Variants in VPS53 observed in about 807,000 individuals in gnomAD.
VPS53 encodes vacuolar protein sorting-associated protein 53 homolog.
In VPS53, 70 loss-of-function variants were observed where a neutral mutation model predicts 107.0. The observed-to-expected ratio is 0.65, with a 90% CI of 0.54 to 0.80. The LOEUF (loss-of-function observed/expected upper bound fraction) is 0.80, where lower values mean the gene tolerates loss of function less well. VPS53 is among the 30% of genes least tolerant of loss of function. The pLI, the probability that VPS53 is intolerant of heterozygous loss-of-function variation, is 0.00. For synonymous variants in VPS53, 409 were observed against 393.3 expected, an observed-to-expected ratio of 1.04 and a Z score of -0.47; for missense variants, 917 against 1,049.4, an observed-to-expected ratio of 0.87 and a Z score of 1.74.
chr17:656,320 G>A (rs142266640), intron 5 of VPS53, among the ~76,000 whole-genome samples: 115 of 152,266 alleles, frequency 7.6e-4, no homozygotes, highest in African/African-American at 2.6e-3. Context: ...TGATGAAGCC[G>A]CTGGGCCATA....
intron 12 of VPS53, among the ~76,000 whole-genome samples, chr17:594,241 G>A (rs1176597310): frequency 3.3e-5 from 5 of 152,262 alleles, no homozygotes; most frequent in South Asian, 2.1e-4. Flanking sequence ...TGGGTGCAGC[G>A]CACCAGCATG....
chr17:563,797 T>C (rs1213156345), intron 13 of VPS53, among the ~76,000 whole-genome samples: 1 of 152,218 alleles, frequency 6.6e-6, no homozygotes, highest in East Asian at 1.9e-4. Flanking sequence ...AAGGTTATGA[T>C]GTCAGCACAT....
In VPS53 at chr17:545,923, T is replaced by C. The variant is rs1053983246; in HGVS notation, c.1866+5949A>G. Among the ~76,000 whole-genome samples, 4 of 152,204 alleles carry C rather than the reference T, an allele frequency of 2.6e-5. No individual in the cohort carries two copies. In the East Asian group the frequency reaches 7.7e-4, roughly 29 times the overall value. ...AAAACAGTGTTGAAAAAGAACAAAG[T>C]TGGAAGACTCATACTTCTTGATTTC... On this transcript the variant is annotated intron_variant, in intron 17 of 21. Transcript: ENST00000437048.
intron 9 of VPS53, among the ~76,000 whole-genome samples, chr17:627,756 C>T (rs1389727114): frequency 7.4e-6 from 1 of 135,156 alleles, no homozygotes; most frequent in Non-Finnish European, 1.6e-5. Flanking sequence ...GCCTGGGCAA[C>T]AAGAGCGAAA....
At chr17:620,273 C>G (rs1186612454) in intron 11 of VPS53, among the ~76,000 whole-genome samples, 2 of 152,210 alleles carry the variant, frequency 1.3e-5, no homozygotes, top group Non-Finnish European at 2.9e-5. Context: ...GAAAGGCCAG[C>G]CCGATTCACC....
Position 509,347 on chromosome 17 carries a change from C to A in VPS53, c.*9781G>T. The A allele has an allele frequency of 6.2e-6, 1 of 160,554 alleles. No individual in the cohort carries two copies. The highest frequency in any genetic ancestry group is 1.4e-5 in the Non-Finnish European group (1 of 73,698). 9.9% of individuals were successfully genotyped at this position (160,554 alleles called of 1,614,324 possible). A position where few individuals can be genotyped will look rare whatever the true frequency, so the allele number is the denominator to read the frequency against. On this transcript the variant is annotated 3_prime_UTR_variant, in exon 22 of 22. Transcript: ENST00000437048. ...GAATCCTGGCTCACCCCTCACTAGTCACATATTGAATCCTGGCTCACCCCT... is the reference window on the plus strand; with the variant it reads ...GAATCCTGGCTCACCCCTCACTAGTAACATATTGAATCCTGGCTCACCCCT...
Position 550,022 on chromosome 17 carries a change from A to G in VPS53, c.1866+1850T>C, listed in dbSNP as rs1173871320. On this transcript the variant is annotated intron_variant, in intron 17 of 21. Coordinates refer to ENST00000437048, the MANE Select transcript of VPS53 (RefSeq NM_001128159.3). ...AAATGTCTGCTTACACAACCTTGTG[A>G]CATGGTCATTCCTCCTGACAAGAGG... is the stretch of plus-strand genomic sequence containing the variant. Among the ~76,000 whole-genome samples, 3 of 152,240 alleles carry G rather than the reference A, an allele frequency of 2.0e-5. No individual in the cohort carries two copies. The East Asian group carries it at 5.8e-4, about 29-fold the overall frequency.
intron 5 of VPS53, among the ~76,000 whole-genome samples, chr17:659,563 G>A (rs752319597): frequency 2.6e-4 from 39 of 152,212 alleles, no homozygotes; most frequent in Non-Finnish European, 4.6e-4. Flanking sequence ...TTACAGGCAT[G>A]AGCCACCGTG....
chr17:713,335 GAGCAATACCCTGC>G (rs1973710595), intron 1 of VPS53, among the ~76,000 whole-genome samples: 1 of 152,018 alleles, frequency 6.6e-6, no homozygotes, highest in Non-Finnish European at 1.5e-5. Flanking sequence ...CGTTTATCAG[GAGCAATACCCTGC>G]AGTATTAGAA....
At chr17:569,684 C>T (rs777191010) in intron 13 of VPS53, among the ~76,000 whole-genome samples, 17 of 151,926 alleles carry the variant, frequency 1.1e-4, no homozygotes, top group Non-Finnish European at 2.1e-4. Flanking sequence ...CTAGGGAGGC[C>T]GAGGTGGGCA....
At chr17:631,296 C>T (rs1010340092) in intron 8 of VPS53, among the ~76,000 whole-genome samples, 2 of 151,558 alleles carry the variant, frequency 1.3e-5, no homozygotes, top group African/African-American at 2.4e-5. Flanking sequence ...ACAAGATAGA[C>T]GGTTTGAGAC....
intron 4 of VPS53, among the ~76,000 whole-genome samples, chr17:684,714 C>T (rs1248076220): frequency 6.6e-6 from 1 of 152,056 alleles, no homozygotes; most frequent in African/African-American, 2.4e-5. Context: ...TGGCCGGGCG[C>T]GGTGGCTCAC....
intron 7 of VPS53, among the ~76,000 whole-genome samples, chr17:640,672 A>G (rs1276234550): frequency 1.3e-5 from 2 of 151,788 alleles, no homozygotes; most frequent in African/African-American, 2.4e-5. Context: ...ATAGCTGTGA[A>G]ATAAGAGGGT....
Position 522,420 on chromosome 17 carries a change from A to T in VPS53, c.2086-682T>A, listed in dbSNP as rs543122907. On this transcript the variant is annotated intron_variant, in intron 19 of 21. Transcript: ENST00000437048. ...AAATCAAGGTTTTTAAGTGCACTCT[A>T]GCCTGGGCCTCATGGCGAGACCCCA... Among the ~76,000 whole-genome samples, 19 of 152,354 alleles carry T rather than the reference A, an allele frequency of 1.2e-4. No individual in the cohort carries two copies. In the South Asian group the frequency reaches 3.9e-3, roughly 32 times the overall value.
chr17:634,477 T>C (rs922387870), intron 7 of VPS53, among the ~76,000 whole-genome samples: 5 of 151,966 alleles, frequency 3.3e-5, no homozygotes, highest in African/African-American at 1.2e-4. Flanking sequence ...ACATGTGCCA[T>C]GCTGATGTGC....
chr17:620,765 CCTGA>C (rs897135811), intron 11 of VPS53, among the ~76,000 whole-genome samples: 4 of 151,696 alleles, frequency 2.6e-5, no homozygotes, highest in African/African-American at 4.9e-5. Flanking sequence ...CACCACCACG[CCTGA>C]CTAATTTTTT....
intron 12 of VPS53, among the ~76,000 whole-genome samples, chr17:591,599 A>G (rs1967654698): frequency 6.6e-6 from 1 of 152,158 alleles, no homozygotes. Flanking sequence ...CGTTGGTTTC[A>G]AAGAACATCT....
chr17:686,311 C>A (rs1050704087), intron 4 of VPS53, among the ~76,000 whole-genome samples: 2 of 151,796 alleles, frequency 1.3e-5, no homozygotes, highest in African/African-American at 4.8e-5. Flanking sequence ...CAGAGTGAGA[C>A]CCTGTCTCTA....
intron 7 of VPS53, among the ~76,000 whole-genome samples, chr17:632,481 A>G (rs1354398787): frequency 1.3e-5 from 2 of 152,132 alleles, no homozygotes; most frequent in African/African-American, 4.8e-5. Flanking sequence ...TGGGTTATCA[A>G]TCACCCCAAG....
Sources: gnomAD v4.1 joint callset for allele counts (sites outside exome capture counted in the v4.1 genomes callset) on GRCh38, gnomAD v4.1.1 for gene constraint, MANE v1.5 for transcripts, NCBI Gene and HGNC (gene_info 2026-07-23, HGNC 2026-07-21) for gene names.